The following OGA variants were observed in gnomAD, a reference collection of about 807,000 sequenced individuals.
OGA encodes O-GlcNAcase.
Under a neutral mutation model 102.0 loss-of-function variants are expected in OGA, and 21 were observed. The ratio of observed to expected loss-of-function variants is 0.21; its 90% CI spans 0.15 to 0.30. The LOEUF (loss-of-function observed/expected upper bound fraction) is 0.30. Among genes scored for constraint, OGA ranks in the 10% least tolerant of loss-of-function variants. The pLI is 1.00. For synonymous variants in OGA, 408 were observed against 378.2 expected (o/e 1.08, Z -0.91); for missense variants, 765 against 1,107.8 (o/e 0.69, Z 4.39).
rs1358216819 is a variant in OGA at position 101,786,327 on chromosome 10, CTTT to C, written c.*121_*123del. ...TGATGGGTGAGTTTTACATAGTCTT[CTTT>C]GTTTCGAATCCAATTGGCTGATTTG... On this transcript the variant is annotated 3_prime_UTR_variant, in exon 16 of 16. Transcript: ENST00000361464. 19 of 1,046,084 alleles carry C rather than the reference CTTT, an allele frequency of 1.8e-5. No homozygotes were observed. The highest frequency in any genetic ancestry group is 2.4e-5 in the Non-Finnish European group (18 of 763,584). The allele number at this position is 1,046,084 out of a possible 1,614,324, so 64.8% of individuals were successfully genotyped here.
At chr10:101,796,999 A>G (rs1288338404) in intron 10 of OGA, 1 of 151,844 alleles carries the variant, frequency 6.6e-6, no homozygotes, top group Admixed American at 6.6e-5. Flanking sequence ...CTCTACTTTT[A>G]GTAGCTAATT....
chr10:101,786,843 C>A (rs916818945), intron 15 of OGA, among the ~76,000 whole-genome samples: 2 of 152,218 alleles, frequency 1.3e-5, no homozygotes, highest in African/African-American at 4.8e-5. Flanking sequence ...TCACGGCTCA[C>A]TGCAACCTCC....
chr10:101,788,161 G>C (rs2065213875), intron 14 of OGA, among the ~76,000 whole-genome samples: 1 of 150,812 alleles, frequency 6.6e-6, no homozygotes, highest in Non-Finnish European at 1.5e-5. Context: ...GTTTGGGTTG[G>C]GTCTAGTAGC....
intron 8 of OGA, among the ~76,000 whole-genome samples, 163 bp from the exon 9 acceptor site, chr10:101,799,618 T>C (rs527848674): frequency 1.2e-4 from 19 of 152,338 alleles, no homozygotes; most frequent in Admixed American, 3.3e-4. Context: ...GATTTCTCTA[T>C]ACTACTAGGG....
At position 101,818,367 on chromosome 10, in the gene OGA, G is replaced by C. The variant is rs922661312; in HGVS notation, c.-345C>G. ...CTCTGCTGCCCTCCCGATAATCTTA[G>C]GTCTTCCGCTGTTTCCCCTCCAAGC... On this transcript the variant is annotated 5_prime_UTR_variant, in exon 1 of 16. Transcript: ENST00000361464. 2 of 1,065,820 alleles carry C rather than the reference G, an allele frequency of 1.9e-6. No individual in the cohort carries two copies. The highest frequency in any genetic ancestry group is 1.7e-5 in the African/African-American group (1 of 59,756). 66.0% of individuals were successfully genotyped at this position (1,065,820 alleles called of 1,614,324 possible). A position where few individuals can be genotyped will look rare whatever the true frequency, so the allele number is the denominator to read the frequency against.
intron 8 of OGA, among the ~76,000 whole-genome samples, chr10:101,799,733 T>C (rs570982783): frequency 3.3e-5 from 5 of 152,342 alleles, no homozygotes; most frequent in African/African-American, 9.6e-5. Flanking sequence ...TCAAAAAATA[T>C]GTTTTTAAGA....
chr10:101,807,618 A>T, intron 5 of OGA, 112 bp downstream of exon 5: 1 of 746,956 alleles, frequency 1.3e-6, no homozygotes, highest in Non-Finnish European at 2.0e-6. Context: ...AAAGATTCCT[A>T]CTTTTACACA....
At chr10:101,790,710 A>G (rs898638315) in intron 14 of OGA, among the ~76,000 whole-genome samples, 186 bp downstream of exon 14, 2 of 152,256 alleles carry the variant, frequency 1.3e-5, no homozygotes, top group African/African-American at 4.8e-5. Flanking sequence ...TTGGGGAAAC[A>G]GTGAAAAATG....
rs184831697 is a variant in OGA, at chr10:101,786,052, A to C, written c.*399T>G. Reference sequence around the variant, plus strand: ...ATCTCTGCCATGTCCCCTAAGACTGAGAGGCATTTCACTCAATAAACCAAG... The same window carrying C: ...ATCTCTGCCATGTCCCCTAAGACTGCGAGGCATTTCACTCAATAAACCAAG... On this transcript the variant is annotated 3_prime_UTR_variant, in exon 16 of 16. Transcript: ENST00000361464. 346 of 155,188 alleles carry C rather than the reference A, an allele frequency of 2.2e-3. No homozygotes were observed. The highest frequency in any genetic ancestry group is 7.9e-3 in the African/African-American group (331 of 41,732). The allele number at this position is 155,188 out of a possible 1,614,324, so 9.6% of individuals were successfully genotyped here.
At chr10:101,792,441 C>T (rs2065270648) in intron 12 of OGA, among the ~76,000 whole-genome samples, 1 of 152,208 alleles carries the variant, frequency 6.6e-6, no homozygotes, top group Non-Finnish European at 1.5e-5. Flanking sequence ...GCGCCTGGCC[C>T]TGTTACTGTC....
At chr10:101,813,819 ATTTT>A (rs992121537) in intron 1 of OGA, among the ~76,000 whole-genome samples, 1 of 151,958 alleles carries the variant, frequency 6.6e-6, no homozygotes, top group Non-Finnish European at 1.5e-5. Flanking sequence ...TGCTTAGGTA[ATTTT>A]TTTTATTTTT....
intron 7 of OGA, among the ~76,000 whole-genome samples, chr10:101,802,742 G>A (rs1236401393): frequency 6.6e-6 from 1 of 151,766 alleles, no homozygotes; most frequent in Non-Finnish European, 1.5e-5. Flanking sequence ...CCCCATGACA[G>A]ATTATTTAAA....
chr10:101,799,150 T>C lies in OGA; in HGVS notation c.1501A>G (p.Thr501Ala). The stretch of plus-strand genomic sequence containing the variant: ...GATTCAGCTATGCTCTCTTTATCAG[T>C]GTCCATTGGTTTCAATTCCTCTGCC... The part of the protein sequence containing the change: ...KMAEELKPMD[T>A]DKESIAESKS... Residue 501 changes from threonine (T) to alanine (A), a missense_variant, in exon 9 of 16, where the codon ACT becomes GCT. Coordinates refer to ENST00000361464, the MANE Select transcript of OGA (RefSeq NM_012215.5). 6.2e-7 allele frequency: 1 copy of C among 1,614,246 alleles called. No homozygotes were observed. Among genetic ancestry groups the C allele is most frequent in the Non-Finnish European group, 8.5e-7 (1 of 1,180,046 alleles).
chr10:101,799,116 G>A lies in OGA; in HGVS notation c.1535C>T (p.Pro512Leu). 6.2e-7 allele frequency: 1 copy of A among 1,614,166 alleles called. No individual in the cohort carries two copies. The highest frequency in any genetic ancestry group is 8.5e-7 in the Non-Finnish European group (1 of 1,180,030). Residue 512 changes from proline (P) to leucine (L), a missense_variant, in exon 9 of 16, where the codon CCA becomes CTA. Transcript: ENST00000361464. ...DKESIAESKS[P>L]EMSMQEDCIS... is the part of the protein sequence containing the mutation. The stretch of plus-strand genomic sequence containing the variant: ...ACAATCTTCTTGCATGGACATCTCT[G>A]GGGATTTTGATTCAGCTATGCTCTC...
rs201737469 is a variant in OGA at position 101,798,974 on chromosome 10, C to A, written c.1677G>T (p.Gln559His). The A allele has an allele frequency of 1.2e-4, 198 of 1,614,062 alleles. No individual in the cohort carries two copies. The highest frequency in any genetic ancestry group is 1.6e-4 in the Non-Finnish European group (192 of 1,180,038). The change falls in exon 9 of 16, where the codon CAG becomes CAT. Residue 559 changes from glutamine to histidine, a missense_variant. This residue lies in a region of OGA where 281 missense variants were observed against 345.8 expected (regional missense o/e 0.81). Coordinates refer to ENST00000361464, the MANE Select transcript of OGA (RefSeq NM_012215.5). ...GAAGGTAGAATAGATCAGCAAGTAACTGCAAATCCTCCAGGGTCACTGGTT... is the reference window on the plus strand; with the variant it reads ...GAAGGTAGAATAGATCAGCAAGTAAATGCAAATCCTCCAGGGTCACTGGTT... ...TAEPVTLEDL[Q>H]LLADLFYLPY...
At chr10:101,786,677 A>G in intron 15 of OGA, 90 bp from the exon 16 acceptor site, 1 of 1,125,480 alleles carries the variant, frequency 8.9e-7, no homozygotes, top group Non-Finnish European at 1.2e-6. Context: ...GATGGTTAAT[A>G]TAAACAGGGC....
chr10:101,804,203 T>TA (rs763510284), intron 6 of OGA, among the ~76,000 whole-genome samples, 184 bp from the exon 7 acceptor site: 12 of 150,864 alleles, frequency 8.0e-5, no homozygotes, highest in Non-Finnish European at 1.5e-4. Flanking sequence ...AAAATATATT[T>TA]AAAAAAAAGA....
At chr10:101,817,707 A>ACATTTCAGACC in intron 1 of OGA, 117 bp downstream of exon 1, 1 of 1,186,558 alleles carries the variant, frequency 8.4e-7, no homozygotes, top group East Asian at 2.7e-5. Flanking sequence ...TAGGAGGGCC[A>ACATTTCAGACC]CATTTCAGAC....
At chr10:101,800,994 C>T (rs1194388449) in intron 7 of OGA, among the ~76,000 whole-genome samples, 1 of 151,930 alleles carries the variant, frequency 6.6e-6, no homozygotes. Context: ...AGACTGGTCT[C>T]GAACTCGACC....
Sources: allele counts gnomAD v4.1 joint callset (sites outside exome capture counted in the v4.1 genomes callset), GRCh38; gene constraint gnomAD v4.1.1; regional missense constraint gnomAD v4.1.1; transcripts MANE v1.5; gene names NCBI Gene and HGNC (gene_info 2026-07-23, HGNC 2026-07-21).